Variants in CMIP observed in about 807,000 individuals in gnomAD.
The protein encoded by CMIP is C-Maf-inducing protein.
Under a neutral mutation model 97.3 loss-of-function variants are expected in CMIP, and 13 were observed. That is an observed-to-expected ratio of 0.13 (90% CI 0.09 to 0.21). CMIP has a LOEUF of 0.21. Among genes scored for constraint, CMIP ranks in the 10% least tolerant of loss-of-function variants. The pLI is 1.00. For synonymous variants in CMIP, 538 were observed against 436.3 expected (o/e 1.23, Z -2.91); for missense variants, 847 against 1,024.9 (o/e 0.83, Z 2.37).
At chr16:81,696,742 T>G (rs766296153) in intron 14 of CMIP, 75 bp downstream of exon 14, 20 of 1,372,284 alleles carry the variant, frequency 1.5e-5, no homozygotes, top group Non-Finnish European at 2.0e-5. Context: ...AAAACAGCCG[T>G]CCCCCATCCC....
chr16:81,556,844 G>A (rs1275235605), intron 1 of CMIP, among the ~76,000 whole-genome samples: 1 of 152,208 alleles, frequency 6.6e-6, no homozygotes, highest in East Asian at 1.9e-4. Flanking sequence ...CATTCTGTAC[G>A]GTGCCTGAAT....
intron 1 of CMIP, among the ~76,000 whole-genome samples, chr16:81,513,529 G>GT (rs2089853391): frequency 6.6e-6 from 1 of 152,228 alleles, no homozygotes; most frequent in Non-Finnish European, 1.5e-5. Context: ...TTTCTCTGCC[G>GT]TGTCGGGGAC....
chr16:81,449,722 A>G (rs1187980244), intron 1 of CMIP, among the ~76,000 whole-genome samples: 1 of 151,762 alleles, frequency 6.6e-6, no homozygotes, highest in African/African-American at 2.4e-5. Context: ...GAGTGTATCA[A>G]AATTGTTTCC....
chr16:81,446,531 C>T lies in CMIP; in HGVS notation c.300+990C>T, dbSNP rs1386590704. On this transcript the variant is annotated intron_variant, in intron 1 of 20. Transcript: ENST00000537098. Reference sequence around the variant, plus strand: ...GGCTGTGGCTTGGGCCTGAGGCTTGCCGTGGGGGTCCCATCCTCATTGGGG... The same window carrying T: ...GGCTGTGGCTTGGGCCTGAGGCTTGTCGTGGGGGTCCCATCCTCATTGGGG... 5.3e-5 allele frequency among the ~76,000 whole-genome samples: 8 copies of T among 151,936 alleles called. No homozygotes were observed. The East Asian group carries it at 1.6e-3, about 29-fold the overall frequency.
intron 1 of CMIP, among the ~76,000 whole-genome samples, chr16:81,492,771 A>T (rs1364806060): frequency 6.6e-6 from 1 of 152,046 alleles, no homozygotes; most frequent in Non-Finnish European, 1.5e-5. Flanking sequence ...TAAGGAGGAC[A>T]AGAGGCAGGA....
At chr16:81,451,121 G>A (rs1906182739) in intron 1 of CMIP, among the ~76,000 whole-genome samples, 1 of 152,196 alleles carries the variant, frequency 6.6e-6, no homozygotes, top group Admixed American at 6.5e-5. Flanking sequence ...TGGTTTGGAT[G>A]TGTTCCCACT....
At chr16:81,611,941 G>A (rs796187400) in intron 2 of CMIP, among the ~76,000 whole-genome samples, 7 of 152,304 alleles carry the variant, frequency 4.6e-5, no homozygotes, top group African/African-American at 1.2e-4. Context: ...GCCTTCCAGC[G>A]TGGGTCCAGT....
At chr16:81,607,842 A>G (rs2091769950) in intron 2 of CMIP, 150 bp downstream of exon 2, 1 of 898,856 alleles carries the variant, frequency 1.1e-6, no homozygotes, top group Admixed American at 2.7e-5. Flanking sequence ...AGAAAGCTGT[A>G]AACCAGGTCT....
In CMIP at chr16:81,614,398, G is replaced by C. The variant is rs2091879708; in HGVS notation, c.427-6478G>C. Among the ~76,000 whole-genome samples the C allele has an allele frequency of 6.6e-6, 1 of 152,164 alleles. No homozygotes were observed. The highest frequency in any genetic ancestry group is 1.5e-5 in the Non-Finnish European group (1 of 68,016). ...CGGGTTCTCAGGGGCTCCCACGCGC[G>C]GGCCACGGGTCACTTCAGCATGACA... On this transcript the variant is annotated intron_variant, in intron 2 of 20. Coordinates refer to ENST00000537098, the MANE Select transcript of CMIP (RefSeq NM_198390.3). The surrounding 1 kb of genome is among the most constrained non-coding windows in gnomAD (Gnocchi z 5.3).
chr16:81,456,290 G>A lies in CMIP; in HGVS notation c.300+10749G>A, dbSNP rs112802640. On this transcript the variant is annotated intron_variant, in intron 1 of 20. Transcript: ENST00000537098. Reference sequence around the variant, plus strand: ...TCCAGTCATTCTCAGACCTTTAGGCGTGTGCGCATTTCGTCCTCTCATCAG... The same window carrying A: ...TCCAGTCATTCTCAGACCTTTAGGCATGTGCGCATTTCGTCCTCTCATCAG... Among the ~76,000 whole-genome samples the A allele has an allele frequency of 8.1e-3, 1,230 of 152,288 alleles. 24 individuals are homozygous for A. The highest frequency in any genetic ancestry group is 0.028 in the African/African-American group (1,159 of 41,540).
At chr16:81,536,949 G>C (rs1001411919) in intron 1 of CMIP, among the ~76,000 whole-genome samples, 134 of 152,132 alleles carry the variant, frequency 8.8e-4, no homozygotes, top group African/African-American at 3.1e-3. Context: ...CTCTCCCCAG[G>C]GGTAACTGCT....
At chr16:81,585,759 C>T (rs1280801077) in intron 1 of CMIP, among the ~76,000 whole-genome samples, 1 of 146,190 alleles carries the variant, frequency 6.8e-6, no homozygotes, top group Non-Finnish European at 1.5e-5. Context: ...AGAACCCCAC[C>T]TGTCCTGACC....
rs756829434 is a variant in CMIP, at chr16:81,670,210, C to T, written c.894C>T (p.Asn298=). 35 of 1,611,570 alleles carry T rather than the reference C, an allele frequency of 2.2e-5. No homozygotes were observed. The highest frequency in any genetic ancestry group is 2.7e-5 in the Non-Finnish European group (32 of 1,178,992). Residue 298 remains asparagine (N), a synonymous_variant, in exon 8 of 21, where the codon AAC becomes AAT. Transcript: ENST00000537098. ...QEYILALNEL[N]AGMEVVKKFI... ...ACATCCTTGCCTTGAACGAGCTCAA[C>T]GCGGGGATGGAAGTGGTGAAGAAGT...
chr16:81,450,735 G>A (rs1906154094), intron 1 of CMIP, among the ~76,000 whole-genome samples: 1 of 152,190 alleles, frequency 6.6e-6, no homozygotes. Flanking sequence ...AAAATTCCTT[G>A]CGGGGCGTAG....
chr16:81,676,358 G>A (rs1271743877), intron 9 of CMIP, among the ~76,000 whole-genome samples: 2 of 151,772 alleles, frequency 1.3e-5, no homozygotes, highest in East Asian at 3.9e-4. Context: ...TGTCCTCCAG[G>A]CCGTCCCCAG....
chr16:81,538,229 A>G (rs1178094557), intron 1 of CMIP, among the ~76,000 whole-genome samples: 2 of 152,240 alleles, frequency 1.3e-5, no homozygotes, highest in Non-Finnish European at 2.9e-5. Flanking sequence ...TCTCATTCTC[A>G]GAGCGACACC....
chr16:81,577,197 CCAT>C (rs1248345911), intron 1 of CMIP, among the ~76,000 whole-genome samples: 5 of 144,144 alleles, frequency 3.5e-5, no homozygotes, highest in Admixed American at 3.4e-4. Context: ...ACCATCATCA[CCAT>C]CATAACCATC....
intron 1 of CMIP, among the ~76,000 whole-genome samples, chr16:81,505,916 A>G (rs891395299): frequency 5.3e-5 from 8 of 152,148 alleles, no homozygotes; most frequent in African/African-American, 1.7e-4. Context: ...AATCACTTGA[A>G]CCCGGGAGGT....
rs559701569 is a variant in CMIP at position 81,475,204 on chromosome 16, A to T, written c.300+29663A>T. Reference sequence around the variant, plus strand: ...TCTGTCTCTTTCTCTCTAGGTGCATAAAAAAAATTGCTTTCAGATAAAGTT... The same window carrying T: ...TCTGTCTCTTTCTCTCTAGGTGCATTAAAAAAATTGCTTTCAGATAAAGTT... On this transcript the variant is annotated intron_variant, in intron 1 of 20. Coordinates refer to ENST00000537098, the MANE Select transcript of CMIP (RefSeq NM_198390.3). 4.6e-5 allele frequency among the ~76,000 whole-genome samples: 7 copies of T among 152,166 alleles called. No individual in the cohort carries two copies. In the East Asian group the frequency reaches 1.2e-3, roughly 25 times the overall value.
Sources: gnomAD v4.1 joint callset for allele counts (sites outside exome capture counted in the v4.1 genomes callset) on GRCh38, gnomAD v4.1.1 for gene constraint, Gnocchi (gnomAD v3.1) non-coding constraint, MANE v1.5 for transcripts, NCBI Gene and HGNC (gene_info 2026-07-23, HGNC 2026-07-21) for gene names.